The following GALNT13 variants were observed in gnomAD, a reference collection of about 807,000 sequenced individuals.
GALNT13 encodes the protein UDP-GalNAc:polypeptide N-acetylgalactosaminyltransferase 13.
In GALNT13, 28 loss-of-function variants were observed where a neutral mutation model predicts 64.2. The ratio of observed to expected loss-of-function variants is 0.44; its 90% CI spans 0.32 to 0.60. The LOEUF is 0.60. GALNT13 is among the 20% of genes least tolerant of loss of function. GALNT13 has a pLI of 0.05. For synonymous variants in GALNT13, 214 were observed against 224.6 expected, an observed-to-expected ratio of 0.95 and a Z score of 0.42; for missense variants, 577 against 669.8, an observed-to-expected ratio of 0.86 and a Z score of 1.53.
At chr2:153,161,200 G>T in the GALNT13 span, among the ~76,000 whole-genome samples, 4 of 152,174 alleles carry the variant, frequency 2.6e-5, no homozygotes, top group African/African-American at 9.7e-5. Context: ...ACCAAAGGCT[G>T]TGCCTCCTTG....
chr2:153,567,596 C>T, the GALNT13 span, among the ~76,000 whole-genome samples: 2 of 152,070 alleles, frequency 1.3e-5, no homozygotes, highest in East Asian at 1.9e-4. Context: ...GACCAAAGTC[C>T]GTGGGTAAAG....
chr2:154,027,594 A>G (rs1698063040), intron 3 of GALNT13, among the ~76,000 whole-genome samples: 1 of 152,156 alleles, frequency 6.6e-6, no homozygotes. Context: ...ATAAGCTTAG[A>G]ACTGTTTAAG....
At chr2:153,200,342 T>C in the GALNT13 span, among the ~76,000 whole-genome samples, 1 of 152,166 alleles carries the variant, frequency 6.6e-6, no homozygotes, top group African/African-American at 2.4e-5. Context: ...ATGCAATAAC[T>C]AGTGGTAAAG....
chr2:154,400,338 G>T (rs1699245671), intron 10 of GALNT13, among the ~76,000 whole-genome samples: 1 of 152,094 alleles, frequency 6.6e-6, no homozygotes, highest in African/African-American at 2.4e-5. Flanking sequence ...ATATTCATTT[G>T]TACTTCTCAC....
At chr2:154,393,930 T>C in intron 9 of GALNT13, among the ~76,000 whole-genome samples, 1 of 149,174 alleles carries the variant, frequency 6.7e-6, no homozygotes, top group Non-Finnish European at 1.5e-5. Flanking sequence ...TACAAAAAAT[T>C]AGCCGGGCGT....
intron 9 of GALNT13, among the ~76,000 whole-genome samples, chr2:154,309,693 A>G (rs1346603324): frequency 1.5e-4 from 23 of 152,170 alleles, no homozygotes; most frequent in Non-Finnish European, 1.5e-5. Flanking sequence ...ACTAGGGCAT[A>G]CCTTTCAACA....
chr2:153,838,691 A>T, the GALNT13 span, among the ~76,000 whole-genome samples: 2 of 151,966 alleles, frequency 1.3e-5, no homozygotes, highest in African/African-American at 4.8e-5. Flanking sequence ...AAAATCAGGT[A>T]GTGTGATGCA....
chr2:153,340,091 T>C, the GALNT13 span, among the ~76,000 whole-genome samples: 1 of 152,168 alleles, frequency 6.6e-6, no homozygotes, highest in Non-Finnish European at 1.5e-5. Flanking sequence ...GGGTCCTTTG[T>C]AGTTTTATAC....
the GALNT13 span, among the ~76,000 whole-genome samples, chr2:153,284,249 G>A: frequency 6.6e-6 from 1 of 152,144 alleles, no homozygotes; most frequent in Non-Finnish European, 1.5e-5. Context: ...GGCCCTGGCT[G>A]TAGCTCTTGT....
At chr2:153,124,926 T>C in the GALNT13 span, among the ~76,000 whole-genome samples, 2 of 152,240 alleles carry the variant, frequency 1.3e-5, no homozygotes, top group East Asian at 3.8e-4. Context: ...GTGTCTCAGT[T>C]AGAGGTCATT....
intron 11 of GALNT13, among the ~76,000 whole-genome samples, chr2:154,430,224 T>C (rs1700650503): frequency 6.6e-6 from 1 of 152,178 alleles, no homozygotes; most frequent in Non-Finnish European, 1.5e-5. Flanking sequence ...GCAAAGTAAA[T>C]TGAAAACTTT....
the GALNT13 span, among the ~76,000 whole-genome samples, chr2:153,253,988 G>A: frequency 1.3e-5 from 2 of 152,182 alleles, no homozygotes; most frequent in African/African-American, 2.4e-5. Flanking sequence ...CTCATAAAAT[G>A]AGTTAGGACA....
chr2:154,417,824 A>G (rs1314692021), intron 11 of GALNT13, among the ~76,000 whole-genome samples: 1 of 151,872 alleles, frequency 6.6e-6, no homozygotes, highest in East Asian at 1.9e-4. Flanking sequence ...TTTTAGAACT[A>G]TGTAAATTCT....
intron 7 of GALNT13, among the ~76,000 whole-genome samples, chr2:154,250,940 C>A (rs971739898): frequency 2.0e-5 from 3 of 152,112 alleles, no homozygotes; most frequent in South Asian, 4.1e-4. Context: ...TTGGAATGCT[C>A]AACTAGTCAA....
At chr2:153,116,132 T>C in the GALNT13 span, among the ~76,000 whole-genome samples, 3 of 152,184 alleles carry the variant, frequency 2.0e-5, no homozygotes, top group African/African-American at 7.2e-5. Context: ...AATAAGCCAA[T>C]CTAAATTGGG....
At chr2:153,303,418 A>G in the GALNT13 span, among the ~76,000 whole-genome samples, 1 of 152,154 alleles carries the variant, frequency 6.6e-6, no homozygotes, top group African/African-American at 2.4e-5. Flanking sequence ...GCTTCATTAA[A>G]CATGTTGAAT....
chr2:153,147,816 T>A, the GALNT13 span, among the ~76,000 whole-genome samples: 1 of 151,784 alleles, frequency 6.6e-6, no homozygotes, highest in African/African-American at 2.4e-5. Flanking sequence ...ATTCATTAGT[T>A]GGTCTGCAAA....
intron 4 of GALNT13, among the ~76,000 whole-genome samples, chr2:154,209,294 T>C (rs1250304757): frequency 6.6e-6 from 1 of 152,138 alleles, no homozygotes; most frequent in Admixed American, 6.5e-5. Context: ...GACCTATTTT[T>C]AGGTCACAAA....
chr2:154,298,539 T>TATATAAA (rs1462891926), intron 8 of GALNT13, among the ~76,000 whole-genome samples: 7 of 69,592 alleles, frequency 1.0e-4, no homozygotes, highest in Non-Finnish European at 1.8e-4. Flanking sequence ...ATTGTATATA[T>TATATAAA]TTATATATAA....
Sources: allele counts gnomAD v4.1 joint callset (sites outside exome capture counted in the v4.1 genomes callset), GRCh38; gene constraint gnomAD v4.1.1; transcripts MANE v1.5; gene names NCBI Gene and HGNC (gene_info 2026-07-23, HGNC 2026-07-21).